Variants in OSBP2 observed in about 807,000 individuals in gnomAD.
OSBP2 encodes oxysterol binding protein 2, also known as oxysterol-binding protein 2.
In OSBP2, 66 loss-of-function variants were observed where a neutral mutation model predicts 96.0. That is an observed-to-expected ratio of 0.69 (90% confidence interval 0.56 to 0.84). The LOEUF (loss-of-function observed/expected upper bound fraction) is 0.84. Among genes scored for constraint, OSBP2 ranks in the 40% least tolerant of loss-of-function variants. OSBP2 has a pLI of 0.00. For missense variants in OSBP2, 1,038 were observed against 1,222.7 expected (o/e 0.85, Z 2.25); for synonymous variants, 525 against 520.9 (o/e 1.01, Z -0.11).
chr22:30,838,683 A>G (rs1208756360), intron 2 of OSBP2, among the ~76,000 whole-genome samples: 1 of 151,998 alleles, frequency 6.6e-6, no homozygotes, highest in Non-Finnish European at 1.5e-5. Context: ...AGAGATGTTT[A>G]ATTTTGCCCA....
chr22:30,707,374 G>A (rs181378992), intron 1 of OSBP2, among the ~76,000 whole-genome samples: 3 of 152,244 alleles, frequency 2.0e-5, no homozygotes, highest in Admixed American at 6.5e-5. Flanking sequence ...TAGGATTACA[G>A]GCGTGAGCCA....
chr22:30,854,639 T>TG (rs2039044350), intron 2 of OSBP2, among the ~76,000 whole-genome samples: 1 of 94,842 alleles, frequency 1.1e-5, no homozygotes, highest in Admixed American at 9.7e-5. Context: ...ACATTTAAAG[T>TG]GAAAAAAAAA....
chr22:30,802,393 G>A (rs964351450), intron 2 of OSBP2, among the ~76,000 whole-genome samples: 1 of 152,224 alleles, frequency 6.6e-6, no homozygotes, highest in African/African-American at 2.4e-5. Flanking sequence ...AGATAGACTC[G>A]CCTGTAACTG....
chr22:30,895,573 T>C (rs2040045482), intron 12 of OSBP2, among the ~76,000 whole-genome samples: 1 of 152,222 alleles, frequency 6.6e-6, no homozygotes, highest in Non-Finnish European at 1.5e-5. Context: ...CTAGTCAAAC[T>C]GACATTCACA....
intron 2 of OSBP2, among the ~76,000 whole-genome samples, chr22:30,862,096 G>C (rs2039222675): frequency 6.6e-6 from 1 of 152,228 alleles, no homozygotes; most frequent in Non-Finnish European, 1.5e-5. Context: ...CTGGTCAGAG[G>C]CTCCCTGTTC....
In OSBP2 at chr22:30,893,242, G is replaced by A; in HGVS notation, c.1990G>A (p.Gly664Ser). Residue 664 changes from glycine (G) to serine (S), a missense_variant and splice_region_variant, in exon 9 of 14, where the codon GGT (glycine) becomes AGT (serine). Coordinates refer to ENST00000332585, the MANE Select transcript of OSBP2 (RefSeq NM_030758.4). ...RGKYISIMPL[G>S]AIHLEFQASG... ...AAAATACATCTCCATCATGCCGCTAGGTGAGCTGGGGCCCGGTGCCTTCCT... is the reference window on the plus strand; with the variant it reads ...AAAATACATCTCCATCATGCCGCTAAGTGAGCTGGGGCCCGGTGCCTTCCT... 6.2e-7 allele frequency: 1 copy of A among 1,614,086 alleles called. No homozygotes were observed. Among genetic ancestry groups the A allele is most frequent in the South Asian group, 1.1e-5 (1 of 91,080 alleles).
intron 2 of OSBP2, among the ~76,000 whole-genome samples, chr22:30,834,730 T>G (rs1398783628): frequency 6.6e-6 from 1 of 152,232 alleles, no homozygotes; most frequent in Non-Finnish European, 1.5e-5. Context: ...GTTATTTATA[T>G]ATTCTGGATA....
At chr22:30,848,584 C>T (rs1420826145) in intron 2 of OSBP2, among the ~76,000 whole-genome samples, 1 of 152,166 alleles carries the variant, frequency 6.6e-6, no homozygotes, top group Non-Finnish European at 1.5e-5. Context: ...TACCTCTTTG[C>T]AGTCAATATC....
intron 1 of OSBP2, among the ~76,000 whole-genome samples, chr22:30,727,393 C>A (rs2089668316): frequency 6.6e-6 from 1 of 152,078 alleles, no homozygotes; most frequent in Admixed American, 6.6e-5. Context: ...CCACAGAAAA[C>A]CAAACCTGGA....
chr22:30,854,509 A>T (rs1473373287), intron 2 of OSBP2, among the ~76,000 whole-genome samples: 1 of 151,284 alleles, frequency 6.6e-6, no homozygotes, highest in Non-Finnish European at 1.5e-5. Flanking sequence ...GGACTTCACC[A>T]TGTTGGCCAG....
At chr22:30,763,720 C>G (rs748647466) in intron 2 of OSBP2, among the ~76,000 whole-genome samples, 1 of 151,748 alleles carries the variant, frequency 6.6e-6, no homozygotes, top group Non-Finnish European at 1.5e-5. Context: ...ATAAGGATGT[C>G]TCATGCAATA....
chr22:30,694,403 G>A (rs574519471), upstream of OSBP2: 48 of 1,462,016 alleles, frequency 3.3e-5, no homozygotes, highest in Middle Eastern at 2.2e-4. Context: ...CCTGTGCTTC[G>A]TGCGCATTTC....
chr22:30,699,506 A>C (rs973606181), intron 1 of OSBP2, among the ~76,000 whole-genome samples: 1 of 152,170 alleles, frequency 6.6e-6, no homozygotes, highest in African/African-American at 2.4e-5. Flanking sequence ...AGTTGCACAA[A>C]TTTATATTCC....
chr22:30,774,170 G>A (rs1002788959), intron 2 of OSBP2, among the ~76,000 whole-genome samples: 1 of 152,190 alleles, frequency 6.6e-6, no homozygotes, highest in Non-Finnish European at 1.5e-5. Flanking sequence ...CCTTGGCTAC[G>A]TAGCTGTGGT....
Position 30,695,017 on chromosome 22 carries a change from G to C in OSBP2, c.108G>C (p.Ala36=). The C allele has an allele frequency of 6.3e-7, 1 of 1,582,660 alleles. No individual in the cohort carries two copies. Reference sequence around the variant, plus strand: ...CCTGCCTGTCGTGCCACACGGCGGCGCCGGGCATGAGCGCTTCCACGTCCG... The same window carrying C: ...CCTGCCTGTCGTGCCACACGGCGGCCCCGGGCATGAGCGCTTCCACGTCCG... ...VVPCLSCHTA[A]PGMSASTSGS... Residue 36 remains alanine, a synonymous_variant, in exon 1 of 14, where the codon GCG becomes GCC. Coordinates refer to ENST00000332585, the MANE Select transcript of OSBP2 (RefSeq NM_030758.4).
rs1320194111 is a variant in OSBP2 at position 30,717,091 on chromosome 22, TGTGTGTGTGTG to T, written c.644+21539_644+21549del. On this transcript the variant is annotated intron_variant, in intron 1 of 13. Transcript: ENST00000332585. The stretch of plus-strand genomic sequence containing the variant: ...TATTTTGTTTTAATTTTACTGTTTT[TGTGTGTGTGTG>T]TGTGTGTGTGTGTGTGTGTGTGTGT... Among the ~76,000 whole-genome samples the T allele has an allele frequency of 4.7e-5, 3 of 64,362 alleles. 1 individual carries two copies. The highest frequency in any genetic ancestry group is 1.6e-4 in the African/African-American group (3 of 18,338). The allele number at this position is 64,362 out of a possible 152,430, so 42.2% of individuals were successfully genotyped here. A position where few individuals can be genotyped will look rare whatever the true frequency, so the allele number is the denominator to read the frequency against.
At chr22:30,849,209 T>C (rs1021700736) in intron 2 of OSBP2, among the ~76,000 whole-genome samples, 15 of 152,118 alleles carry the variant, frequency 9.9e-5, no homozygotes, top group African/African-American at 3.4e-4. Flanking sequence ...ATTAAGAGTG[T>C]AGTGAGCTAT....
At chr22:30,730,809 A>ATATATATAT (rs1569100787) in intron 1 of OSBP2, among the ~76,000 whole-genome samples, 1 of 21,268 alleles carries the variant, frequency 4.7e-5, no homozygotes, top group Non-Finnish European at 8.4e-5. Flanking sequence ...TATATATATA[A>ATATATATAT]TTTTTTTTTT....
At chr22:30,846,427 A>G (rs1022178259) in intron 2 of OSBP2, among the ~76,000 whole-genome samples, 1 of 152,184 alleles carries the variant, frequency 6.6e-6, no homozygotes, top group Non-Finnish European at 1.5e-5. Context: ...CTGGGATTAC[A>G]GGTGTGAGCC....
Sources: allele counts gnomAD v4.1 joint callset (sites outside exome capture counted in the v4.1 genomes callset), GRCh38; gene constraint gnomAD v4.1.1; transcripts MANE v1.5; gene names NCBI Gene and HGNC (gene_info 2026-07-23, HGNC 2026-07-21).